ADGRL2: variants seen among roughly 807,000 people sequenced by gnomAD.
The protein encoded by ADGRL2 is calcium-independent alpha-latrotoxin receptor 2.
A neutral mutation model predicts 157.4 loss-of-function variants in ADGRL2; 44 were observed. That is an observed-to-expected ratio of 0.28 (90% confidence interval 0.22 to 0.36). The LOEUF (loss-of-function observed/expected upper bound fraction) is 0.36. Ranked by LOEUF, ADGRL2 falls within the 10% of genes least tolerant of loss-of-function variation. ADGRL2 has a pLI of 1.00. For missense variants in ADGRL2, 1,510 were observed against 1,768.9 expected, an observed-to-expected ratio of 0.85 and a Z score of 2.63; for synonymous variants, 585 against 624.7, an observed-to-expected ratio of 0.94 and a Z score of 0.95.
upstream of ADGRL2, among the ~76,000 whole-genome samples, chr1:81,800,717 A>G (rs1261452701): frequency 6.6e-6 from 1 of 151,628 alleles, no homozygotes; most frequent in Non-Finnish European, 1.5e-5. Flanking sequence ...TGTGGACAGG[A>G]TGGAGAGCGC....
chr1:81,460,450 A>G (rs547872921), intron 2 of ADGRL2, among the ~76,000 whole-genome samples: 1 of 152,056 alleles, frequency 6.6e-6, no homozygotes, highest in Admixed American at 6.6e-5. Context: ...TTATGAATTG[A>G]TTCATTTTTC....
chr1:81,811,151 C>T (rs1179603976), intron 1 of ADGRL2, among the ~76,000 whole-genome samples: 1 of 151,756 alleles, frequency 6.6e-6, no homozygotes, highest in Admixed American at 6.6e-5. Flanking sequence ...AAGCAGAAAA[C>T]CCCACAAAAA....
chr1:81,637,409 C>T (rs12126371), intron 3 of ADGRL2, among the ~76,000 whole-genome samples: 2 of 152,116 alleles, frequency 1.3e-5, no homozygotes, highest in South Asian at 2.1e-4. Context: ...AAAGAGGATT[C>T]GAAACCATGT....
chr1:81,410,971 T>C (rs984348468), intron 1 of ADGRL2, among the ~76,000 whole-genome samples: 3 of 152,250 alleles, frequency 2.0e-5, no homozygotes, highest in Non-Finnish European at 4.4e-5. Flanking sequence ...AACAGCATAT[T>C]ATCTTCCTGT....
chr1:81,766,602 G>T (rs1401913977), intron 2 of ADGRL2, among the ~76,000 whole-genome samples: 2 of 151,744 alleles, frequency 1.3e-5, no homozygotes, highest in Non-Finnish European at 2.9e-5. Flanking sequence ...AGGCCGAAGC[G>T]GGCAGATCAC....
intron 3 of ADGRL2, among the ~76,000 whole-genome samples, chr1:81,646,324 T>C (rs907001541): frequency 1.3e-5 from 2 of 152,206 alleles, no homozygotes; most frequent in African/African-American, 4.8e-5. Context: ...AAAAATTATT[T>C]CTTGGACTAG....
At position 81,323,386 on chromosome 1, in the gene ADGRL2, C is replaced by T. The variant is rs566856213; in HGVS notation, c.-302+16877C>T. 7.4e-5 allele frequency among the ~76,000 whole-genome samples: 11 copies of T among 148,790 alleles called. No individual in the cohort carries two copies. The Admixed American group carries it at 7.4e-4, about 10-fold the overall frequency. ...CCCAGAGTAACTGAGACCATAGGTA[C>T]GAGCCATTGTACTAGACTAATTCAA... On this transcript the variant is annotated intron_variant, in intron 1 of 24. Transcript: ENST00000370721.
chr1:81,436,261 G>A (rs948929403), intron 1 of ADGRL2, among the ~76,000 whole-genome samples: 4 of 152,080 alleles, frequency 2.6e-5, no homozygotes, highest in African/African-American at 7.2e-5. Flanking sequence ...GAAGGAGAAC[G>A]TACTTGCCGA....
intron 1 of ADGRL2, among the ~76,000 whole-genome samples, chr1:81,751,978 A>G (rs2149269368): frequency 6.6e-6 from 1 of 152,332 alleles, no homozygotes; most frequent in Non-Finnish European, 1.5e-5. Flanking sequence ...AAAGTCTTTT[A>G]CATGTTATAA....
chr1:81,502,337 G>A lies in ADGRL2; in HGVS notation c.-248+57248G>A, dbSNP rs569401231. On this transcript the variant is annotated intron_variant, in intron 2 of 24. Coordinates refer to the ADGRL2 transcript ENST00000370721. Reference sequence around the variant, plus strand: ...TCTGGATGAGCAGCTCAAGCAGAATGGTGGTTTGGCCTGGAGTGATGATGC... The same window carrying A: ...TCTGGATGAGCAGCTCAAGCAGAATAGTGGTTTGGCCTGGAGTGATGATGC... The A allele has an allele frequency of 9.9e-6, 16 of 1,614,120 alleles. No homozygotes were observed. The East Asian group carries it at 3.1e-4, about 31-fold the overall frequency.
intron 2 of ADGRL2, among the ~76,000 whole-genome samples, chr1:81,840,089 T>C (rs2092505089): frequency 6.6e-6 from 1 of 151,752 alleles, no homozygotes; most frequent in Admixed American, 6.6e-5. Context: ...GAGAAGCTCA[T>C]GGTCTTGTGC....
At chr1:81,573,350 C>A (rs2080733350) in intron 2 of ADGRL2, among the ~76,000 whole-genome samples, 1 of 152,030 alleles carries the variant, frequency 6.6e-6, no homozygotes, top group Non-Finnish European at 1.5e-5. Flanking sequence ...TTCCCCCTTC[C>A]TTAACCTTTT....
At chr1:81,965,677 A>G (rs537775189) in intron 11 of ADGRL2, among the ~76,000 whole-genome samples, 16 of 152,352 alleles carry the variant, frequency 1.1e-4, no homozygotes, top group African/African-American at 3.8e-4. Flanking sequence ...TAATATAAAG[A>G]GCCAAAAAAT....
intron 1 of ADGRL2, among the ~76,000 whole-genome samples, chr1:81,712,536 A>G (rs2083964498): frequency 6.6e-6 from 1 of 152,200 alleles, no homozygotes; most frequent in African/African-American, 2.4e-5. Flanking sequence ...AGACCGAGAC[A>G]CTGAGGATCA....
At chr1:81,545,160 G>A (rs1335831498) in intron 2 of ADGRL2, among the ~76,000 whole-genome samples, 4 of 152,120 alleles carry the variant, frequency 2.6e-5, no homozygotes, top group African/African-American at 9.7e-5. Flanking sequence ...TATAATGTGA[G>A]TTAGTCCCAC....
intron 2 of ADGRL2, among the ~76,000 whole-genome samples, chr1:81,888,421 AT>A (rs2094177571): frequency 6.6e-6 from 1 of 152,036 alleles, no homozygotes. Flanking sequence ...CTTTGTAGAT[AT>A]TGCATTGTTT....
intron 1 of ADGRL2, among the ~76,000 whole-genome samples, chr1:81,752,072 T>C (rs948547360): frequency 1.3e-5 from 2 of 152,150 alleles, no homozygotes; most frequent in Non-Finnish European, 2.9e-5. Context: ...TTAGATGTGA[T>C]GGTTAAGAGG....
intron 1 of ADGRL2, among the ~76,000 whole-genome samples, chr1:81,398,987 C>A (rs1389718030): frequency 6.6e-6 from 1 of 152,120 alleles, no homozygotes; most frequent in Non-Finnish European, 1.5e-5. Flanking sequence ...CTATCTGAGA[C>A]TGACTAATTT....
At chr1:81,442,347 T>C (rs1301598990) in intron 1 of ADGRL2, among the ~76,000 whole-genome samples, 1 of 152,230 alleles carries the variant, frequency 6.6e-6, no homozygotes, top group Non-Finnish European at 1.5e-5. Context: ...TGAGCTTTTT[T>C]ATTACAAATG....
Sources: gnomAD v4.1 joint callset for allele counts (sites outside exome capture counted in the v4.1 genomes callset) on GRCh38, gnomAD v4.1.1 for gene constraint, MANE v1.5 for transcripts, NCBI Gene and HGNC (gene_info 2026-07-23, HGNC 2026-07-21) for gene names.